ATR: variants seen among roughly 807,000 people sequenced by gnomAD.
The protein encoded by ATR is ATR checkpoint kinase.
Under a neutral mutation model 305.3 loss-of-function variants are expected in ATR, and 142 were observed. The observed-to-expected ratio is 0.47, with a 90% CI of 0.41 to 0.53. ATR has a LOEUF of 0.53. Ranked by LOEUF, ATR falls within the 20% of genes least tolerant of loss-of-function variation. ATR has a pLI of 0.00. For synonymous variants in ATR, 1,050 were observed against 1,068.1 expected (o/e 0.98, Z 0.33); for missense variants, 2,135 against 3,133.1 (o/e 0.68, Z 7.60).
At chr3:142,474,830 C>T (rs1430522249) in intron 36 of ATR, among the ~76,000 whole-genome samples, 1 of 152,008 alleles carries the variant, frequency 6.6e-6, no homozygotes, top group Non-Finnish European at 1.5e-5. Context: ...GAACTTTTCA[C>T]CACTGAGTAT....
At chr3:142,528,859 A>G (rs2033509024) in intron 21 of ATR, among the ~76,000 whole-genome samples, 1 of 53,702 alleles carries the variant, frequency 1.9e-5, no homozygotes, top group Non-Finnish European at 3.3e-5. Flanking sequence ...ATTATCATAT[A>G]TATATATATA....
intron 36 of ATR, among the ~76,000 whole-genome samples, chr3:142,478,718 C>G (rs549127095): frequency 1.3e-3 from 200 of 152,042 alleles, no homozygotes; most frequent in Non-Finnish European, 1.5e-3. Context: ...TTATTGTGTG[C>G]GAGTCTAAGT....
intron 36 of ATR, 107 bp from the exon 37 acceptor site, chr3:142,470,290 A>T: frequency 1.1e-6 from 1 of 941,390 alleles, no homozygotes; most frequent in Admixed American, 2.2e-5. Context: ...CACAAAAATT[A>T]TGGTATCAAT....
intron 3 of ATR, 83 bp downstream of exon 3, chr3:142,566,038 G>A (rs933791533): frequency 2.5e-6 from 4 of 1,576,210 alleles, no homozygotes; most frequent in East Asian, 4.5e-5. Flanking sequence ...GTATAATCCT[G>A]TACATGTAAT....
intron 17 of ATR, 73 bp from the exon 18 acceptor site, chr3:142,541,107 A>C (rs1318763867): frequency 5.9e-5 from 91 of 1,541,752 alleles, no homozygotes; most frequent in Non-Finnish European, 8.1e-5. Context: ...CCTAAGGACA[A>C]GTGCTTCCCA....
chr3:142,469,064 T>C (rs1263175029), intron 38 of ATR, among the ~76,000 whole-genome samples: 1 of 152,178 alleles, frequency 6.6e-6, no homozygotes, highest in African/African-American at 2.4e-5. Flanking sequence ...CCATTTTGCA[T>C]CAAGCATTAA....
At chr3:142,545,486 G>A (rs1222654753) in intron 16 of ATR, among the ~76,000 whole-genome samples, 1 of 152,156 alleles carries the variant, frequency 6.6e-6, no homozygotes, top group Non-Finnish European at 1.5e-5. Context: ...GTTGTACCAT[G>A]TGAGAGTAGA....
rs368721082 is a variant in ATR, at chr3:142,514,074, C to T, written c.4504-436G>A. On this transcript the variant is annotated intron_variant, in intron 25 of 46. Transcript: ENST00000350721. ...CACGAGGTCAAGAGATCGAGACCATCCTGGCCAACATGGTGAAACCCAGTC... is the reference window on the plus strand; with the variant it reads ...CACGAGGTCAAGAGATCGAGACCATTCTGGCCAACATGGTGAAACCCAGTC... 6.8e-4 allele frequency among the ~76,000 whole-genome samples: 103 copies of T among 151,280 alleles called. 1 individual carries two copies. The South Asian group carries it at 0.021, about 31-fold the overall frequency.
At position 142,550,265 on chromosome 3, in the gene ATR, G is replaced by A. The variant is rs2034428644; in HGVS notation, c.2843C>T (p.Ala948Val). The A allele has an allele frequency of 6.2e-7, 1 of 1,614,056 alleles. No individual in the cohort carries two copies. The highest frequency in any genetic ancestry group is 1.7e-5 in the Admixed American group (1 of 60,004). Residue 948 changes from alanine to valine, a missense_variant, in exon 14 of 47, where the codon GCA (alanine) becomes GTA (valine). Physicochemically the swap from Ala to Val is moderately conservative, Grantham distance 64. Coordinates refer to ENST00000350721, the MANE Select transcript of ATR (RefSeq NM_001184.4). Reference protein sequence around the residue: ...VESLHSSQMTALPNTPCQNAD... With the variant: ...VESLHSSQMTVLPNTPCQNAD... ...ATTCTGGCATGGAGTATTCGGAAGT[G>A]CTGTCATCTGACTAGAGTGAAGGGA...
chr3:142,534,524 A>C (rs1559971882), intron 21 of ATR, among the ~76,000 whole-genome samples: 1 of 152,154 alleles, frequency 6.6e-6, no homozygotes, highest in Non-Finnish European at 1.5e-5. Context: ...TGCAAAAATG[A>C]GTAATTCCGT....
At chr3:142,560,107 T>C (rs188740370) in intron 6 of ATR, among the ~76,000 whole-genome samples, 156 bp downstream of exon 6, 1 of 152,338 alleles carries the variant, frequency 6.6e-6, no homozygotes, top group East Asian at 1.9e-4. Context: ...CTTAGCACCG[T>C]ACCTAGCATT....
At chr3:142,544,125 A>G (rs2034168514) in intron 16 of ATR, among the ~76,000 whole-genome samples, 1 of 152,074 alleles carries the variant, frequency 6.6e-6, no homozygotes, top group Admixed American at 6.6e-5. Context: ...GAATAATAAA[A>G]CCACCTACTG....
chr3:142,543,545 G>T (rs1167489199), intron 16 of ATR, among the ~76,000 whole-genome samples: 4 of 130,782 alleles, frequency 3.1e-5, no homozygotes, highest in African/African-American at 8.7e-5. Flanking sequence ...CTTAAACAGG[G>T]TTCCTTCCTT....
At chr3:142,463,754 T>C (rs2071068396) in intron 41 of ATR, among the ~76,000 whole-genome samples, 1 of 152,218 alleles carries the variant, frequency 6.6e-6, no homozygotes, top group Non-Finnish European at 1.5e-5. Flanking sequence ...TTTAATGTGG[T>C]ATTAATTTTT....
intron 20 of ATR, among the ~76,000 whole-genome samples, chr3:142,535,677 A>G (rs2033831452): frequency 6.6e-6 from 1 of 152,188 alleles, no homozygotes; most frequent in African/African-American, 2.4e-5. Context: ...AAGATGCTGG[A>G]ATTATAAATT....
At chr3:142,456,784 GGATA>G (rs939967047) in intron 45 of ATR, among the ~76,000 whole-genome samples, 8 of 152,098 alleles carry the variant, frequency 5.3e-5, no homozygotes, top group African/African-American at 7.2e-5. Context: ...ACAATAACCA[GGATA>G]GATAAAGATG....
chr3:142,533,099 G>C (rs1463045445), intron 21 of ATR, among the ~76,000 whole-genome samples: 1 of 151,920 alleles, frequency 6.6e-6, no homozygotes, highest in Non-Finnish European at 1.5e-5. Context: ...AGGAGTTCAA[G>C]ACCAGCCTGG....
intron 13 of ATR, 147 bp downstream of exon 13, chr3:142,553,080 C>T (rs901917220): frequency 1.2e-5 from 13 of 1,049,692 alleles, no homozygotes; most frequent in Admixed American, 9.6e-5. Flanking sequence ...CAAACCTCTA[C>T]ATGCTGCAAT....
chr3:142,571,991 C>T (rs966359962), intron 1 of ATR, among the ~76,000 whole-genome samples: 2 of 150,822 alleles, frequency 1.3e-5, no homozygotes, highest in African/African-American at 4.9e-5. Flanking sequence ...GGCTCGAACT[C>T]CTGACCTCAG....
Sources: gnomAD v4.1 joint callset for allele counts (sites outside exome capture counted in the v4.1 genomes callset) on GRCh38, gnomAD v4.1.1 for gene constraint, MANE v1.5 for transcripts, NCBI Gene and HGNC (gene_info 2026-07-23, HGNC 2026-07-21) for gene names.